The following LAMA5 variants were observed in gnomAD, a reference collection of about 807,000 sequenced individuals.
LAMA5 encodes the protein laminin subunit alpha 5, also known as laminin subunit alpha-5.
In LAMA5, 260 loss-of-function variants were observed where a neutral mutation model predicts 433.4. The observed-to-expected ratio is 0.60, with a 90% CI of 0.54 to 0.66. LAMA5 has a LOEUF of 0.66. Ranked by LOEUF, LAMA5 falls within the 30% of genes least tolerant of loss-of-function variation. The pLI, the probability that LAMA5 is intolerant of heterozygous loss-of-function variation, is 0.00. For missense variants in LAMA5, 5,378 were observed against 5,258.5 expected (o/e 1.02, Z -0.70); for synonymous variants, 2,620 against 2,226.6 (o/e 1.18, Z -4.97).
At chr20:62,344,184 C>G (rs1348772438) in intron 11 of LAMA5, among the ~76,000 whole-genome samples, 2 of 145,460 alleles carry the variant, frequency 1.4e-5, no homozygotes, top group Non-Finnish European at 3.0e-5. Context: ...CAAATACAAT[C>G]TAAGTCTAAG....
At chr20:62,330,986 C>G in intron 29 of LAMA5, 42 bp from the exon 30 acceptor site, 1 of 1,568,992 alleles carries the variant, frequency 6.4e-7, no homozygotes, top group Non-Finnish European at 8.6e-7. Context: ...GGCCCTGCCG[C>G]CGGGCCCTCG....
chr20:62,330,664 C>T (rs1418233731), intron 30 of LAMA5, 50 bp from the exon 31 acceptor site: 3 of 1,563,102 alleles, frequency 1.9e-6, no homozygotes, highest in Admixed American at 3.9e-5. Context: ...CCCCTGCTGC[C>T]CCCTGGACAA....
chr20:62,340,600 C>T lies in LAMA5; in HGVS notation c.1478-1992G>A, dbSNP rs947389683. 2.6e-5 allele frequency among the ~76,000 whole-genome samples: 4 copies of T among 151,802 alleles called. No individual in the cohort carries two copies. The East Asian group carries it at 5.9e-4, about 22-fold the overall frequency. ...TGCTGGGATTACAGGCGTGAGCCATCGCACCTGGCCACAAGTCTGCTTTAA... is the reference window on the plus strand; with the variant it reads ...TGCTGGGATTACAGGCGTGAGCCATTGCACCTGGCCACAAGTCTGCTTTAA... On this transcript the variant is annotated intron_variant, in intron 11 of 79. Transcript: ENST00000252999.
chr20:62,364,480 G>A (rs1250991878), intron 1 of LAMA5, among the ~76,000 whole-genome samples: 1 of 152,232 alleles, frequency 6.6e-6, no homozygotes, highest in African/African-American at 2.4e-5. Flanking sequence ...CAGTTATTGG[G>A]AGGCAGTTCC....
At chr20:62,364,562 C>T (rs1406260581) in intron 1 of LAMA5, among the ~76,000 whole-genome samples, 2 of 152,218 alleles carry the variant, frequency 1.3e-5, no homozygotes, top group East Asian at 1.9e-4. Flanking sequence ...ACCTCCGCTG[C>T]GGAGGGTCCC....
At chr20:62,342,698 A>AG (rs1982788937) in intron 11 of LAMA5, among the ~76,000 whole-genome samples, 1 of 151,290 alleles carries the variant, frequency 6.6e-6, no homozygotes, top group Non-Finnish European at 1.5e-5. Context: ...CAAAAAAACA[A>AG]AAAAAAAAGA....
At chr20:62,322,600 G>T in intron 46 of LAMA5, 58 bp downstream of exon 46, 1 of 1,446,664 alleles carries the variant, frequency 6.9e-7, no homozygotes. Flanking sequence ...TTCTCCCCAG[G>T]CCCCAACTCT....
intron 28 of LAMA5, among the ~76,000 whole-genome samples, chr20:62,331,338 C>A: frequency 6.9e-6 from 1 of 144,744 alleles, no homozygotes; most frequent in Non-Finnish European, 1.5e-5. Context: ...GATGGGGGGG[C>A]CGGTCACACA....
At chr20:62,353,935 C>G (rs754213463) in intron 2 of LAMA5, among the ~76,000 whole-genome samples, 1 of 152,098 alleles carries the variant, frequency 6.6e-6, no homozygotes, top group Non-Finnish European at 1.5e-5. Flanking sequence ...GAGTCTGCCT[C>G]GGAGACTCCA....
At position 62,335,038 on chromosome 20, in the gene LAMA5, T is replaced by C; in HGVS notation, c.2465A>G (p.Asp822Gly). 6.2e-7 allele frequency: 1 copy of C among 1,612,712 alleles called. No homozygotes were observed. The highest frequency in any genetic ancestry group is 2.2e-5 in the East Asian group (1 of 44,876). Residue 822 changes from aspartate to glycine, a missense_variant, in exon 20 of 80, where the codon GAC (aspartate) becomes GGC (glycine). Physicochemically the swap from Asp to Gly is moderately conservative, Grantham distance 94. Transcript: ENST00000252999. ...GCACTCACTGCGGCAGCCAAAATAG[T>C]CAGCCTGATCCAGTCCAAAGAAGCC... Reference protein sequence around the residue: ...KDGFFGLDQADYFGCRSCRCD... With the variant: ...KDGFFGLDQAGYFGCRSCRCD...
rs1448822675 is a variant in LAMA5 at position 62,310,484 on chromosome 20, G to A, written c.10535C>T (p.Pro3512Leu). The stretch of plus-strand genomic sequence containing the variant: ...CGCCTCCAGGGGGCCCAAGATGCAG[G>A]GTGTGACCCCTGCCATCCGTGTGGG... ...GAPTRMAGVTPCILGPLEAGL... is the reference protein window; with the variant it reads ...GAPTRMAGVTLCILGPLEAGL... The change falls in exon 76 of 80, where the codon CCC becomes CTC. Residue 3512 changes from proline to leucine, a missense_variant. Pro to Leu is a moderately conservative substitution (Grantham distance 98, BLOSUM62 -3). Coordinates refer to ENST00000252999, the MANE Select transcript of LAMA5 (RefSeq NM_005560.6). 1.9e-6 allele frequency: 3 copies of A among 1,579,862 alleles called. No homozygotes were observed. The highest frequency in any genetic ancestry group is 2.6e-6 in the Non-Finnish European group (3 of 1,168,266).
intron 6 of LAMA5, among the ~76,000 whole-genome samples, chr20:62,349,060 G>A (rs922308986): frequency 2.0e-5 from 3 of 151,984 alleles, no homozygotes; most frequent in African/African-American, 7.2e-5. Flanking sequence ...ACGAGGTCAG[G>A]AGATCGAGAC....
At chr20:62,321,435 TAGGGCCAGCAGA>T (rs1568917796) in intron 48 of LAMA5, among the ~76,000 whole-genome samples, 1 of 1,148 alleles carries the variant, frequency 8.7e-4, no homozygotes, top group African/African-American at 2.9e-3. Flanking sequence ...AGTGGAGGGG[TAGGGCCAGCAGA>T]GGGGTAGGGC....
rs761896359 is a variant in LAMA5 at position 62,320,597 on chromosome 20, T to C, written c.6721A>G (p.Thr2241Ala). The change falls in exon 50 of 80, where the codon ACA (threonine) becomes GCA (alanine). Residue 2241 changes from threonine to alanine, a missense_variant. Physicochemically the swap from Thr to Ala is moderately conservative, Grantham distance 58. Coordinates refer to ENST00000252999, the MANE Select transcript of LAMA5 (RefSeq NM_005560.6). Reference sequence around the variant, plus strand: ...CGCCGTGCGTCCTGCCCGAGGCTTGTGCTCTGCTGCTCCAGCACCTCCAGC... The same window carrying C: ...CGCCGTGCGTCCTGCCCGAGGCTTGCGCTCTGCTGCTCCAGCACCTCCAGC... The part of the protein sequence containing the change: ...QQLEVLEQQS[T>A]SLGQDARRLG... The C allele has an allele frequency of 1.0e-5, 16 of 1,606,106 alleles. No individual in the cohort carries two copies. The highest frequency in any genetic ancestry group is 9.9e-5 in the South Asian group (9 of 90,630).
rs201548338 is a variant in LAMA5 at position 62,317,803 on chromosome 20, G to A, written c.7240-25C>T. 1.0e-4 allele frequency: 140 copies of A among 1,405,938 alleles called. No homozygotes were observed. The African/African-American group carries it at 2.0e-3, about 20-fold the overall frequency. 87.1% of individuals were successfully genotyped at this position (1,405,938 alleles called of 1,614,324 possible). ...GCTGAAGGCAATGCAGGGGAGTTGG[G>A]GACAATGAGGGGTAAGAAAAGAATA... On this transcript the variant is annotated intron_variant, in intron 53 of 79. Coordinates refer to ENST00000252999, the MANE Select transcript of LAMA5 (RefSeq NM_005560.6).
chr20:62,354,624 G>A (rs1254787897), intron 2 of LAMA5, among the ~76,000 whole-genome samples: 1 of 152,062 alleles, frequency 6.6e-6, no homozygotes, highest in African/African-American at 2.4e-5. Flanking sequence ...GCACCCAGGA[G>A]CAGGGGGGGT....
At position 62,324,533 on chromosome 20, in the gene LAMA5, G is replaced by T. The variant is rs759686911; in HGVS notation, c.5551C>A (p.Arg1851=). ...CCCAGGAAGAGACCTTTGACGTCCC[G>T]ATAGAAGCCGGGGGCACATTCCTGA... is the stretch of plus-strand genomic sequence containing the variant. ...SCQECAPGFY[R]DVKGLFLGRC... is the part of the protein sequence containing the mutation. The change falls in exon 42 of 80, where the codon CGG becomes AGG. Residue 1851 remains arginine, a synonymous_variant. Transcript: ENST00000252999. The surrounding 1 kb of genome is among the most constrained non-coding windows in gnomAD (Gnocchi z 4.4). 1.9e-6 allele frequency: 3 copies of T among 1,611,330 alleles called. No homozygotes were observed. The highest frequency in any genetic ancestry group is 8.5e-7 in the Non-Finnish European group (1 of 1,179,272).
Position 62,329,143 on chromosome 20 carries a change from G to A in LAMA5, c.4230C>T (p.His1410=), listed in dbSNP as rs749179750. The A allele has an allele frequency of 6.2e-7, 1 of 1,612,612 alleles. No individual in the cohort carries two copies. Among genetic ancestry groups the A allele is most frequent in the Non-Finnish European group, 8.5e-7 (1 of 1,179,692 alleles). The change falls in exon 33 of 80, where the codon CAC becomes CAT. Residue 1410 remains histidine (H), a synonymous_variant. Transcript: ENST00000252999. The part of the protein sequence containing the change: ...FISHCAAQGY[H]ISPSSSSLFC... Reference sequence around the variant, plus strand: ...CCTGCCAGAGCCCTGCCCACCTGATGTGGTAGCCCTGGGCTGCGCAGTGGC... The same window carrying A: ...CCTGCCAGAGCCCTGCCCACCTGATATGGTAGCCCTGGGCTGCGCAGTGGC...
rs1982019624 is a variant in LAMA5, at chr20:62,338,263, G to A, written c.1725C>T (p.Ala575=). 1 of 1,600,998 alleles carries A rather than the reference G, an allele frequency of 6.2e-7. No homozygotes were observed. The highest frequency in any genetic ancestry group is 1.1e-5 in the South Asian group (1 of 89,624). The change falls in exon 13 of 80, where the codon GCC becomes GCT. Residue 575 remains alanine, a synonymous_variant. Transcript: ENST00000252999. ...AGAGAGGGAAGTGAAAGTAGCCGGG[G>A]GCACAGCGATCACATGTGGCCCCCT... is the stretch of plus-strand genomic sequence containing the variant. ...GFEGATCDRC[A]PGYFHFPLCQ...
Sources: gnomAD v4.1 joint callset for allele counts (sites outside exome capture counted in the v4.1 genomes callset) on GRCh38, gnomAD v4.1.1 for gene constraint, Gnocchi (gnomAD v3.1) non-coding constraint, MANE v1.5 for transcripts, NCBI Gene and HGNC (gene_info 2026-07-23, HGNC 2026-07-21) for gene names.